The following TXLNB variants were observed in gnomAD, a reference collection of about 807,000 sequenced individuals.
The protein encoded by TXLNB is beta-taxilin.
A neutral mutation model predicts 57.4 loss-of-function variants in TXLNB; 37 were observed. The observed-to-expected ratio is 0.64, with a 90% CI of 0.50 to 0.85. The LOEUF (loss-of-function observed/expected upper bound fraction) is 0.85. Among genes scored for constraint, TXLNB ranks in the 40% least tolerant of loss-of-function variants. The pLI, the probability that TXLNB is intolerant of heterozygous loss-of-function variation, is 0.00. For missense variants in TXLNB, 848 were observed against 825.6 expected, an observed-to-expected ratio of 1.03 and a Z score of -0.33; for synonymous variants, 302 against 309.6, an observed-to-expected ratio of 0.98 and a Z score of 0.26.
chr6:139,289,930 G>T (rs1450461879), intron 1 of TXLNB, among the ~76,000 whole-genome samples: 1 of 152,128 alleles, frequency 6.6e-6, no homozygotes, highest in South Asian at 2.1e-4. Context: ...TGAATATTTT[G>T]ATGTAAATGC....
At chr6:139,268,227 A>C (rs577308732) in intron 4 of TXLNB, among the ~76,000 whole-genome samples, 21 of 152,208 alleles carry the variant, frequency 1.4e-4, no homozygotes, top group African/African-American at 4.8e-4. Context: ...AAGAGGACAT[A>C]ATAATCATAA....
intron 7 of TXLNB, 52 bp from the exon 8 acceptor site, chr6:139,247,961 T>C: frequency 9.2e-7 from 1 of 1,086,172 alleles, no homozygotes; most frequent in Non-Finnish European, 1.4e-6. Flanking sequence ...GAAGAAAACA[T>C]GTCATTGTTC....
the TXLNB span, among the ~76,000 whole-genome samples, chr6:139,193,228 A>G: frequency 8.2e-6 from 1 of 122,232 alleles, no homozygotes; most frequent in Middle Eastern, 4.7e-3. Flanking sequence ...CCCAGTGCCC[A>G]GTCTTTGACC....
At chr6:139,209,027 A>G in the TXLNB span, among the ~76,000 whole-genome samples, 1 of 152,222 alleles carries the variant, frequency 6.6e-6, no homozygotes, top group African/African-American at 2.4e-5. Context: ...ACATGATCGT[A>G]TATCTAGAAA....
At chr6:139,276,966 T>G (rs769216155) in intron 2 of TXLNB, 45 bp from the exon 3 acceptor site, 1 of 1,473,208 alleles carries the variant, frequency 6.8e-7, no homozygotes, top group East Asian at 2.3e-5. Context: ...GAATTTACAG[T>G]CAGGTGATAA....
At chr6:139,248,110 C>T (rs1776109788) in intron 7 of TXLNB, among the ~76,000 whole-genome samples, 1 of 152,128 alleles carries the variant, frequency 6.6e-6, no homozygotes, top group South Asian at 2.1e-4. Flanking sequence ...CGCAGTGGCT[C>T]ACGCCTGTAA....
rs57409101 is a variant in TXLNB, at chr6:139,285,257, A to AACACACACAC, written c.424+3209_424+3218dup. Among the ~76,000 whole-genome samples, 10 of 120,078 alleles carry AACACACACAC rather than the reference A, an allele frequency of 8.3e-5. No individual in the cohort carries two copies. The East Asian group carries it at 9.2e-4, about 11-fold the overall frequency. 78.8% of individuals were successfully genotyped at this position (120,078 alleles called of 152,430 possible). ...CTATTTTCTTCATATCTTTCCCCTCAACACACACACACACACACACACACA... is the reference window on the plus strand; with the variant it reads ...CTATTTTCTTCATATCTTTCCCCTCAACACACACACACACACACACACACACACACACACA... On this transcript the variant is annotated intron_variant, in intron 2 of 9. Transcript: ENST00000358430.
downstream of TXLNB, among the ~76,000 whole-genome samples, chr6:139,239,847 CTCTG>C (rs967712057): frequency 7.4e-5 from 11 of 149,346 alleles, no homozygotes; most frequent in Non-Finnish European, 1.2e-4. The surrounding 1 kb of genome is among the most constrained non-coding windows in gnomAD (Gnocchi z 4.7). Context: ...CCCTTTCTCT[CTCTG>C]TCTCTCTCTG....
chr6:139,251,293 C>T (rs1283529354), intron 7 of TXLNB, among the ~76,000 whole-genome samples: 1 of 152,130 alleles, frequency 6.6e-6, no homozygotes, highest in Non-Finnish European at 1.5e-5. Flanking sequence ...GAACTTTTTC[C>T]ATCTTGCAAA....
chr6:139,296,640 A>G (rs1353298859), upstream of TXLNB, among the ~76,000 whole-genome samples: 1 of 152,114 alleles, frequency 6.6e-6, no homozygotes, highest in Non-Finnish European at 1.5e-5. Flanking sequence ...CGCTCAGTTC[A>G]GAGCCTTTCT....
the TXLNB span, chr6:139,183,310 G>C: frequency 6.6e-6 from 1 of 152,230 alleles, no homozygotes; most frequent in Non-Finnish European, 1.5e-5. Context: ...GAGAATTCAT[G>C]AACTTTCTTC....
At chr6:139,169,391 A>AC in the TXLNB span, among the ~76,000 whole-genome samples, 1 of 152,032 alleles carries the variant, frequency 6.6e-6, no homozygotes, top group Non-Finnish European at 1.5e-5. Context: ...TTCTGTTCTT[A>AC]CATTTTTAAT....
At chr6:139,208,097 G>A in the TXLNB span, among the ~76,000 whole-genome samples, 3 of 151,900 alleles carry the variant, frequency 2.0e-5, no homozygotes, top group Non-Finnish European at 4.4e-5. Context: ...AAGAGAGAGA[G>A]AGAGAAACTG....
chr6:139,219,957 C>T, the TXLNB span, among the ~76,000 whole-genome samples: 5 of 152,180 alleles, frequency 3.3e-5, no homozygotes, highest in South Asian at 1.0e-3. Flanking sequence ...ACCGTAATTA[C>T]CCTTCATTTC....
the TXLNB span, among the ~76,000 whole-genome samples, chr6:139,188,107 G>A: frequency 6.6e-6 from 1 of 152,084 alleles, no homozygotes. Flanking sequence ...AGCTTCCCAG[G>A]GGCCTTCTTA....
At chr6:139,165,472 T>G in the TXLNB span, among the ~76,000 whole-genome samples, 1 of 152,180 alleles carries the variant, frequency 6.6e-6, no homozygotes, top group Non-Finnish European at 1.5e-5. Context: ...CTGTGGATTT[T>G]GACAAATGTA....
the TXLNB span, chr6:139,166,635 A>G: frequency 6.2e-7 from 1 of 1,614,208 alleles, no homozygotes; most frequent in Non-Finnish European, 8.5e-7. Flanking sequence ...TCTGGCTCCG[A>G]GAAGAACACA....
chr6:139,296,886 T>C (rs1020881932), upstream of TXLNB, among the ~76,000 whole-genome samples: 3 of 149,552 alleles, frequency 2.0e-5, no homozygotes, highest in Non-Finnish European at 4.4e-5. Context: ...ACCCCATCTC[T>C]GAAAGCAAAC....
chr6:139,308,857 A>G, the TXLNB span, among the ~76,000 whole-genome samples: 1 of 152,370 alleles, frequency 6.6e-6, no homozygotes, highest in African/African-American at 2.4e-5. Context: ...AGAAATTAGG[A>G]AACCAAAGTA....
Sources: gnomAD v4.1 joint callset for allele counts (sites outside exome capture counted in the v4.1 genomes callset) on GRCh38, gnomAD v4.1.1 for gene constraint, Gnocchi (gnomAD v3.1) non-coding constraint, MANE v1.5 for transcripts, NCBI Gene and HGNC (gene_info 2026-07-23, HGNC 2026-07-21) for gene names.